The following FSTL5 variants were observed in gnomAD, a reference collection of about 807,000 sequenced individuals.
FSTL5 encodes the protein follistatin like 5, also known as follistatin-related protein 5.
A neutral mutation model predicts 89.1 loss-of-function variants in FSTL5; 62 were observed. The observed-to-expected ratio is 0.70, with a 90% CI of 0.57 to 0.86. The LOEUF (loss-of-function observed/expected upper bound fraction) is 0.86. Among genes scored for constraint, FSTL5 ranks in the 40% least tolerant of loss-of-function variants. The pLI, the probability that FSTL5 is intolerant of heterozygous loss-of-function variation, is 0.00. For synonymous variants in FSTL5, 383 were observed against 346.2 expected (o/e 1.11, Z -1.18); for missense variants, 1,057 against 1,001.6 (o/e 1.06, Z -0.75).
At chr4:161,594,772 T>G (rs1733953176) in intron 7 of FSTL5, among the ~76,000 whole-genome samples, 1 of 151,922 alleles carries the variant, frequency 6.6e-6, no homozygotes, top group Admixed American at 6.6e-5. Context: ...CATAGACCTT[T>G]TCAATATATT....
chr4:161,573,733 CAAAAAAAAAA>C (rs70937664), intron 8 of FSTL5, among the ~76,000 whole-genome samples: 2 of 50,622 alleles, frequency 4.0e-5, no homozygotes, highest in African/African-American at 1.7e-4. Flanking sequence ...AACTCCAGCT[CAAAAAAAAAA>C]AAAAAAAAAA....
intron 3 of FSTL5, among the ~76,000 whole-genome samples, chr4:161,993,145 C>T (rs1370015907): frequency 6.6e-6 from 1 of 150,848 alleles, no homozygotes; most frequent in Non-Finnish European, 1.5e-5. Flanking sequence ...ATTTATTTGT[C>T]AATACTTATT....
intron 2 of FSTL5, among the ~76,000 whole-genome samples, chr4:162,093,591 C>CT (rs1730636916): frequency 6.6e-6 from 1 of 152,060 alleles, no homozygotes; most frequent in Non-Finnish European, 1.5e-5. Context: ...ACCCAAGAGA[C>CT]TATTTTTATA....
intron 6 of FSTL5, among the ~76,000 whole-genome samples, chr4:161,743,200 C>G (rs1413170381): frequency 1.3e-5 from 2 of 152,092 alleles, no homozygotes; most frequent in African/African-American, 2.4e-5. Context: ...TCAGCTCTTA[C>G]TTTTTGGTCA....
intron 2 of FSTL5, among the ~76,000 whole-genome samples, chr4:162,086,644 G>C (rs1324016626): frequency 1.3e-5 from 2 of 151,420 alleles, no homozygotes; most frequent in African/African-American, 2.4e-5. Flanking sequence ...ACTTTGCCCA[G>C]GGAATTTGTT....
rs1325955575 is a variant in FSTL5 at position 161,760,847 on chromosome 4, A to AT, written c.607-1317dup. Among the ~76,000 whole-genome samples, 5 of 152,088 alleles carry AT rather than the reference A, an allele frequency of 3.3e-5. No individual in the cohort carries two copies. The East Asian group carries it at 9.7e-4, about 29-fold the overall frequency. On this transcript the variant is annotated intron_variant, in intron 5 of 15. Transcript: ENST00000306100. Reference sequence around the variant, plus strand: ...AAAGATCCTCAGATGCTTTTGAGCTATTTTTTCACCTTTTTTGGAACACTC... The same window carrying AT: ...AAAGATCCTCAGATGCTTTTGAGCTATTTTTTTCACCTTTTTTGGAACACTC...
At chr4:162,057,789 C>A (rs1057514260) in intron 2 of FSTL5, among the ~76,000 whole-genome samples, 3 of 151,886 alleles carry the variant, frequency 2.0e-5, no homozygotes, top group Admixed American at 6.6e-5. Flanking sequence ...ATTAAAAATA[C>A]AAAAATTAGT....
chr4:161,800,617 A>G (rs1214448150), intron 4 of FSTL5, among the ~76,000 whole-genome samples: 3 of 151,624 alleles, frequency 2.0e-5, no homozygotes, highest in Non-Finnish European at 1.5e-5. Flanking sequence ...TTTAATTTAG[A>G]TTTTGTTAGG....
intron 4 of FSTL5, among the ~76,000 whole-genome samples, chr4:161,882,119 T>C (rs1394737791): frequency 1.3e-5 from 2 of 152,116 alleles, no homozygotes; most frequent in African/African-American, 4.8e-5. Flanking sequence ...AACATTTGAT[T>C]AAATAATACT....
At chr4:161,820,428 A>G (rs1167774850) in intron 4 of FSTL5, among the ~76,000 whole-genome samples, 3 of 152,226 alleles carry the variant, frequency 2.0e-5, no homozygotes, top group African/African-American at 7.2e-5. Context: ...ACACACACAT[A>G]TATACACATA....
intron 6 of FSTL5, among the ~76,000 whole-genome samples, chr4:161,737,028 G>C (rs1382344844): frequency 6.6e-6 from 1 of 151,992 alleles, no homozygotes; most frequent in Non-Finnish European, 1.5e-5. Context: ...AGAAGAATAA[G>C]GAAACTTCCC....
chr4:162,134,806 G>A (rs761635961), intron 1 of FSTL5, among the ~76,000 whole-genome samples: 16 of 152,232 alleles, frequency 1.1e-4, no homozygotes, highest in Non-Finnish European at 2.2e-4. Flanking sequence ...TACCACCACC[G>A]ATGTTTATAA....
intron 10 of FSTL5, among the ~76,000 whole-genome samples, chr4:161,513,275 GAGAGAGAGAGAGA>G (rs1730710387): frequency 1.8e-4 from 1 of 5,566 alleles, no homozygotes; most frequent in African/African-American, 4.1e-4. Flanking sequence ...AGGAGGGGGA[GAGAGAGAGAGAGA>G]GAGAGAGAGA....
In FSTL5 at chr4:161,825,352, C is replaced by A. The variant is rs193216859; in HGVS notation, c.410-49278G>T. Reference sequence around the variant, plus strand: ...ATCAGACATATTGGTCTGTAGTTTTCTTTTTGTGTTATGTCCTTTCCTGGT... The same window carrying A: ...ATCAGACATATTGGTCTGTAGTTTTATTTTTGTGTTATGTCCTTTCCTGGT... On this transcript the variant is annotated intron_variant, in intron 4 of 15. Coordinates refer to ENST00000306100, the MANE Select transcript of FSTL5 (RefSeq NM_020116.5). Among the ~76,000 whole-genome samples the A allele has an allele frequency of 4.6e-5, 7 of 152,056 alleles. No homozygotes were observed. In the East Asian group the frequency reaches 1.4e-3, roughly 29 times the overall value.
At chr4:161,949,001 A>G (rs978550268) in intron 3 of FSTL5, among the ~76,000 whole-genome samples, 24 of 152,128 alleles carry the variant, frequency 1.6e-4, no homozygotes, top group Admixed American at 5.2e-4. Flanking sequence ...TCTGGAGGTT[A>G]GAAGTCTGAA....
chr4:161,475,336 T>A (rs1388705284), intron 13 of FSTL5, among the ~76,000 whole-genome samples: 1 of 152,194 alleles, frequency 6.6e-6, no homozygotes, highest in Non-Finnish European at 1.5e-5. Flanking sequence ...CCAAATATTC[T>A]GTTGGCCATT....
intron 4 of FSTL5, among the ~76,000 whole-genome samples, chr4:161,844,342 A>G (rs1258033059): frequency 6.6e-6 from 1 of 152,206 alleles, no homozygotes; most frequent in African/African-American, 2.4e-5. Flanking sequence ...ATGGGAATGT[A>G]AATTAGTTCA....
At chr4:162,064,679 T>C (rs1169613153) in intron 2 of FSTL5, among the ~76,000 whole-genome samples, 3 of 151,974 alleles carry the variant, frequency 2.0e-5, no homozygotes, top group Non-Finnish European at 2.9e-5. Flanking sequence ...AATCTCAGCC[T>C]TTATAATTGT....
At chr4:161,872,682 T>C (rs1732312597) in intron 4 of FSTL5, among the ~76,000 whole-genome samples, 1 of 152,076 alleles carries the variant, frequency 6.6e-6, no homozygotes, top group African/African-American at 2.4e-5. Context: ...AGACTGAAGT[T>C]AGGTGAGCGA....
Sources: gnomAD v4.1 joint callset for allele counts (sites outside exome capture counted in the v4.1 genomes callset) on GRCh38, gnomAD v4.1.1 for gene constraint, MANE v1.5 for transcripts, NCBI Gene and HGNC (gene_info 2026-07-23, HGNC 2026-07-21) for gene names.